The following TMEM163 variants were observed in gnomAD, a reference collection of about 807,000 sequenced individuals.
TMEM163 encodes transmembrane protein 163.
In TMEM163, 17 loss-of-function variants were observed where a neutral mutation model predicts 29.3. That is an observed-to-expected ratio of 0.58 (90% CI 0.40 to 0.87). The LOEUF is 0.87. Ranked by LOEUF, TMEM163 falls within the 40% of genes least tolerant of loss-of-function variation. The probability of loss-of-function intolerance (pLI) is 0.00; values close to 1 mark genes in which losing one functional copy is unlikely to be tolerated. For synonymous variants in TMEM163, 157 were observed against 160.6 expected (o/e 0.98, Z 0.17); for missense variants, 303 against 381.5 (o/e 0.79, Z 1.71).
At chr2:134,507,098 A>G (rs1679841688) in intron 4 of TMEM163, among the ~76,000 whole-genome samples, 1 of 152,118 alleles carries the variant, frequency 6.6e-6, no homozygotes, top group Admixed American at 6.5e-5. Context: ...GGACTTTGGG[A>G]GGCCGAGGTG....
chr2:134,536,430 G>A (rs1048334104), intron 4 of TMEM163, among the ~76,000 whole-genome samples: 9 of 152,062 alleles, frequency 5.9e-5, no homozygotes, highest in Non-Finnish European at 1.0e-4. Context: ...TACATAGCAC[G>A]CGAAGACTCC....
chr2:134,520,633 C>G (rs1403953865), intron 4 of TMEM163, among the ~76,000 whole-genome samples: 5 of 152,236 alleles, frequency 3.3e-5, no homozygotes, highest in African/African-American at 7.2e-5. Flanking sequence ...CTTGTTTACA[C>G]TCTCATCTTC....
intron 2 of TMEM163, among the ~76,000 whole-genome samples, chr2:134,680,071 G>C (rs1282588337): frequency 1.3e-5 from 2 of 152,238 alleles, no homozygotes; most frequent in Non-Finnish European, 2.9e-5. Context: ...CTCTGGGCCA[G>C]GTGGCATGAT....
At chr2:134,686,208 A>G (rs1684347572) in intron 2 of TMEM163, among the ~76,000 whole-genome samples, 1 of 152,220 alleles carries the variant, frequency 6.6e-6, no homozygotes, top group African/African-American at 2.4e-5. Context: ...AGTTTTCCAT[A>G]GCCACCTGGA....
chr2:134,640,640 C>T (rs112247215), intron 2 of TMEM163, among the ~76,000 whole-genome samples: 134 of 152,270 alleles, frequency 8.8e-4, no homozygotes, highest in African/African-American at 2.5e-3. Flanking sequence ...CTCCAACCCA[C>T]GGGAAAAGAC....
chr2:134,662,930 C>T (rs1024548712), intron 2 of TMEM163, among the ~76,000 whole-genome samples: 10 of 152,166 alleles, frequency 6.6e-5, no homozygotes, highest in Admixed American at 5.2e-4. Flanking sequence ...TGATGGTATC[C>T]TCCATGCCCA....
In TMEM163 at chr2:134,551,020, A is replaced by C. The variant is rs145252561; in HGVS notation, c.367-359T>G. ...ACATCCCAGATAAGAGATTCGGGTG[A>C]GAATTCTATTTTTGACTCTCAACGG... is the stretch of plus-strand genomic sequence containing the variant. On this transcript the variant is annotated intron_variant, in intron 3 of 7. Coordinates refer to ENST00000281924, the MANE Select transcript of TMEM163 (RefSeq NM_030923.5). Among the ~76,000 whole-genome samples the C allele has an allele frequency of 1.3e-3, 195 of 152,314 alleles. 2 individuals carry two copies. The East Asian group carries it at 0.032, about 25-fold the overall frequency.
chr2:134,704,929 C>T (rs1171918999), intron 2 of TMEM163, among the ~76,000 whole-genome samples: 1 of 152,044 alleles, frequency 6.6e-6, no homozygotes, highest in East Asian at 1.9e-4. Flanking sequence ...AATGTTGAGG[C>T]CGGGTGTGGT....
intron 2 of TMEM163, among the ~76,000 whole-genome samples, chr2:134,558,388 C>A (rs1001253294): frequency 5.3e-5 from 8 of 152,152 alleles, no homozygotes; most frequent in African/African-American, 1.9e-4. Context: ...CTCCCAGAAG[C>A]ACACACACAA....
intron 2 of TMEM163, among the ~76,000 whole-genome samples, chr2:134,557,336 T>C (rs1681068168): frequency 6.6e-6 from 1 of 152,216 alleles, no homozygotes; most frequent in African/African-American, 2.4e-5. Context: ...TTCTTTCCTT[T>C]CTACTGTGAA....
chr2:134,535,382 A>C (rs1680510897), intron 4 of TMEM163, among the ~76,000 whole-genome samples: 1 of 152,220 alleles, frequency 6.6e-6, no homozygotes, highest in South Asian at 2.1e-4. Context: ...GAGACACAGC[A>C]ATTTGCTTGT....
At chr2:134,645,593 TAAAC>T (rs895747430) in intron 2 of TMEM163, among the ~76,000 whole-genome samples, 2 of 152,022 alleles carry the variant, frequency 1.3e-5, no homozygotes, top group African/African-American at 4.8e-5. Context: ...AAAGAACAAA[TAAAC>T]AAACTGTGGT....
intron 2 of TMEM163, among the ~76,000 whole-genome samples, chr2:134,613,541 A>G (rs916609776): frequency 5.3e-5 from 8 of 152,216 alleles, no homozygotes; most frequent in Non-Finnish European, 1.2e-4. Context: ...TAGTGGGACA[A>G]CAGTACAATT....
At chr2:134,685,671 T>C (rs1195747215) in intron 2 of TMEM163, among the ~76,000 whole-genome samples, 2 of 152,196 alleles carry the variant, frequency 1.3e-5, no homozygotes, top group African/African-American at 2.4e-5. Context: ...CAGCATTTTA[T>C]GCAATCATTA....
At chr2:134,674,980 A>G (rs1684084283) in intron 2 of TMEM163, among the ~76,000 whole-genome samples, 2 of 152,238 alleles carry the variant, frequency 1.3e-5, no homozygotes, top group Non-Finnish European at 2.9e-5. Context: ...CTGAATACGT[A>G]CATAATTTGC....
chr2:134,538,516 T>C (rs1008734193), intron 4 of TMEM163, among the ~76,000 whole-genome samples: 7 of 152,134 alleles, frequency 4.6e-5, no homozygotes, highest in Non-Finnish European at 8.8e-5. Context: ...TGGAGGGACA[T>C]AGCAGCATCC....
intron 4 of TMEM163, among the ~76,000 whole-genome samples, chr2:134,514,517 A>T (rs553850865): frequency 6.6e-6 from 1 of 151,674 alleles, no homozygotes; most frequent in South Asian, 2.1e-4. Context: ...CCCATGGCCC[A>T]TGCACTGAAA....
intron 4 of TMEM163, among the ~76,000 whole-genome samples, chr2:134,507,645 T>C (rs892793370): frequency 1.3e-5 from 2 of 152,022 alleles, no homozygotes; most frequent in African/African-American, 2.4e-5. Flanking sequence ...GCAGATCTGC[T>C]TGAGGCCAGG....
At chr2:134,517,456 C>T (rs1680097892) in intron 4 of TMEM163, among the ~76,000 whole-genome samples, 1 of 152,168 alleles carries the variant, frequency 6.6e-6, no homozygotes, top group Non-Finnish European at 1.5e-5. Context: ...GACTCAAAGC[C>T]AAATTTGAGG....
Sources: gnomAD v4.1 joint callset for allele counts (sites outside exome capture counted in the v4.1 genomes callset) on GRCh38, gnomAD v4.1.1 for gene constraint, MANE v1.5 for transcripts, NCBI Gene and HGNC (gene_info 2026-07-23, HGNC 2026-07-21) for gene names.